OPCML: variants seen among roughly 807,000 people sequenced by gnomAD.
The protein encoded by OPCML is opioid binding protein/cell adhesion molecule like, also known as opioid-binding protein/cell adhesion molecule.
In OPCML, 13 loss-of-function variants were observed where a neutral mutation model predicts 37.8. The ratio of observed to expected loss-of-function variants is 0.34; its 90% CI spans 0.22 to 0.55. The LOEUF is 0.55. Among genes scored for constraint, OPCML ranks in the 20% least tolerant of loss-of-function variants. The pLI is 0.91. For synonymous variants in OPCML, 176 were observed against 168.8 expected, an observed-to-expected ratio of 1.04 and a Z score of -0.33; for missense variants, 341 against 435.6, an observed-to-expected ratio of 0.78 and a Z score of 1.93.
intron 1 of OPCML, among the ~76,000 whole-genome samples, chr11:133,522,959 C>G (rs187068306): frequency 2.0e-4 from 30 of 152,140 alleles, no homozygotes; most frequent in African/African-American, 6.8e-4. Flanking sequence ...GGAGGTCATA[C>G]ATGCTTTGCA....
chr11:133,303,592 G>A (rs137992518), intron 1 of OPCML, among the ~76,000 whole-genome samples: 1 of 152,320 alleles, frequency 6.6e-6, no homozygotes, highest in Non-Finnish European at 1.5e-5. Flanking sequence ...ATGGATATTT[G>A]AATCCGGTCT....
chr11:133,001,506 A>G (rs955828023), intron 1 of OPCML, among the ~76,000 whole-genome samples: 4 of 152,236 alleles, frequency 2.6e-5, no homozygotes, highest in Non-Finnish European at 4.4e-5. Flanking sequence ...ACTGGTTGTG[A>G]TAGAACTATA....
intron 1 of OPCML, among the ~76,000 whole-genome samples, chr11:133,207,950 G>A (rs1939173693): frequency 6.6e-6 from 1 of 151,936 alleles, no homozygotes; most frequent in Non-Finnish European, 1.5e-5. Flanking sequence ...CTGTGTTTTT[G>A]CCTGAAAAAT....
intron 2 of OPCML, among the ~76,000 whole-genome samples, chr11:132,925,797 G>C (rs1202001610): frequency 1.3e-5 from 2 of 152,166 alleles, no homozygotes; most frequent in African/African-American, 4.8e-5. Context: ...TTTTCAGTGT[G>C]TTGAGGGTTT....
chr11:132,657,488 A>C, intron 2 of OPCML, 169 bp from the exon 3 acceptor site: 1 of 880,966 alleles, frequency 1.1e-6, no homozygotes, highest in Non-Finnish European at 1.4e-6. Flanking sequence ...ATAAACTAAG[A>C]GTGACCAGAA....
At chr11:132,638,487 G>A (rs1049422421) in intron 3 of OPCML, among the ~76,000 whole-genome samples, 4 of 152,134 alleles carry the variant, frequency 2.6e-5, no homozygotes, top group African/African-American at 7.2e-5. Context: ...CACAAAGTTA[G>A]GATTATTACA....
chr11:133,439,554 G>A (rs951075626), intron 1 of OPCML, among the ~76,000 whole-genome samples: 4 of 151,580 alleles, frequency 2.6e-5, no homozygotes, highest in Non-Finnish European at 4.4e-5. Flanking sequence ...TGCAAGCTCC[G>A]CCTCCCAGGT....
intron 1 of OPCML, chr11:133,421,130 A>G (rs906058014): frequency 1.3e-5 from 13 of 985,314 alleles, no homozygotes; most frequent in Non-Finnish European, 1.6e-5. Flanking sequence ...CTCCAAGCTA[A>G]CTCTATTTAA....
chr11:132,937,195 T>C (rs1945405408), intron 2 of OPCML, among the ~76,000 whole-genome samples: 1 of 152,058 alleles, frequency 6.6e-6, no homozygotes, highest in South Asian at 2.1e-4. Context: ...CCATAAAAAC[T>C]GCCTGGCGGA....
chr11:133,354,820 G>C (rs1391839738), intron 1 of OPCML, among the ~76,000 whole-genome samples: 4 of 152,162 alleles, frequency 2.6e-5, no homozygotes, highest in Non-Finnish European at 5.9e-5. Context: ...CAAGAAATTG[G>C]CTTTTCAAAT....
At chr11:133,479,773 C>T (rs751439512) in intron 1 of OPCML, among the ~76,000 whole-genome samples, 12 of 152,200 alleles carry the variant, frequency 7.9e-5, no homozygotes, top group Non-Finnish European at 1.3e-4. Context: ...ACACACCCAC[C>T]GAACAAATGA....
chr11:133,210,780 C>G (rs536119261), intron 1 of OPCML, among the ~76,000 whole-genome samples: 35 of 152,190 alleles, frequency 2.3e-4, no homozygotes, highest in Admixed American at 2.1e-3. Context: ...GTCTCAAATT[C>G]CACTTAGGTA....
intron 1 of OPCML, among the ~76,000 whole-genome samples, chr11:133,478,832 A>ATT (rs11409105): frequency 0.018 from 2,708 of 146,390 alleles, 96 homozygotes; most frequent in African/African-American, 0.064. Flanking sequence ...TGCTGTAACC[A>ATT]TTTTTTTTTT....
intron 2 of OPCML, among the ~76,000 whole-genome samples, chr11:132,824,132 C>A (rs1307576763): frequency 6.6e-6 from 1 of 152,178 alleles, no homozygotes; most frequent in Non-Finnish European, 1.5e-5. Flanking sequence ...TGGATCTCCT[C>A]ATTTTAGCTT....
intron 4 of OPCML, among the ~76,000 whole-genome samples, chr11:132,471,128 A>C (rs1426981662): frequency 1.3e-5 from 2 of 152,222 alleles, no homozygotes; most frequent in Admixed American, 1.3e-4. Context: ...GTAACGCATT[A>C]TTCAATACAG....
rs3077742 is a variant in OPCML, at chr11:132,932,691, T to TTATATATA, written c.146+10227_146+10234dup. 3.5e-5 allele frequency among the ~76,000 whole-genome samples: 5 copies of TTATATATA among 143,662 alleles called. No individual in the cohort carries two copies. In the East Asian group the frequency reaches 6.0e-4, roughly 17 times the overall value. The allele number at this position is 143,662 out of a possible 152,430, so 94.2% of individuals were successfully genotyped here. On this transcript the variant is annotated intron_variant, in intron 2 of 7. Coordinates refer to ENST00000524381, the MANE Select transcript of OPCML (RefSeq NM_001012393.5). ...AATTGTGAATTCAGTTATATATATATTATATATATATATATATATATACAA... is the reference window on the plus strand; with the variant it reads ...AATTGTGAATTCAGTTATATATATATTATATATATATATATATATATATATATATACAA...
chr11:132,599,526 C>T (rs572745380), intron 3 of OPCML, among the ~76,000 whole-genome samples: 1 of 152,120 alleles, frequency 6.6e-6, no homozygotes, highest in African/African-American at 2.4e-5. Context: ...CCGAAGCTCT[C>T]TGACACAAAA....
At chr11:132,521,984 T>C (rs1288554867) in intron 4 of OPCML, among the ~76,000 whole-genome samples, 1 of 152,154 alleles carries the variant, frequency 6.6e-6, no homozygotes, top group East Asian at 1.9e-4. Flanking sequence ...CTGCTTCCCT[T>C]TCCTTTTGCC....
At chr11:133,473,588 C>T (rs942032187) in intron 1 of OPCML, among the ~76,000 whole-genome samples, 27 of 152,090 alleles carry the variant, frequency 1.8e-4, no homozygotes, top group Admixed American at 5.2e-4. Context: ...CAAAATCAGA[C>T]GAGACTCAAA....
Sources: allele counts gnomAD v4.1 joint callset (sites outside exome capture counted in the v4.1 genomes callset), GRCh38; gene constraint gnomAD v4.1.1; transcripts MANE v1.5; gene names NCBI Gene and HGNC (gene_info 2026-07-23, HGNC 2026-07-21).